The following DENND5B variants were observed in gnomAD, a reference collection of about 807,000 sequenced individuals.
DENND5B encodes DENN domain-containing protein 5B.
Under a neutral mutation model 140.6 loss-of-function variants are expected in DENND5B, and 34 were observed. That is an observed-to-expected ratio of 0.24 (90% CI 0.18 to 0.32). The LOEUF (loss-of-function observed/expected upper bound fraction) is 0.32, where lower values mean the gene tolerates loss of function less well. Among genes scored for constraint, DENND5B ranks in the 10% least tolerant of loss-of-function variants. The pLI is 1.00. For synonymous variants in DENND5B, 551 were observed against 562.1 expected, an observed-to-expected ratio of 0.98 and a Z score of 0.28; for missense variants, 1,142 against 1,560.2, an observed-to-expected ratio of 0.73 and a Z score of 4.52.
chr12:31,466,319 C>G (rs1244896497), intron 3 of DENND5B, among the ~76,000 whole-genome samples: 1 of 151,692 alleles, frequency 6.6e-6, no homozygotes, highest in Non-Finnish European at 1.5e-5. Context: ...CAACACTGCA[C>G]TCCAGCCTGG....
rs529459342 is a variant in DENND5B, at chr12:31,580,267, T to C, written c.127+10439A>G. ...CCTTGTTGGTACCTGCATGCTTGCT[T>C]GCATATACCTGGTAAAAATGGTTAA... On this transcript the variant is annotated intron_variant, in intron 1 of 20. Transcript: ENST00000389082. 1.2e-4 allele frequency among the ~76,000 whole-genome samples: 19 copies of C among 152,248 alleles called. No individual in the cohort carries two copies. The East Asian group carries it at 3.7e-3, about 29-fold the overall frequency.
chr12:31,467,881 T>C (rs1310421278), intron 3 of DENND5B, among the ~76,000 whole-genome samples: 1 of 151,760 alleles, frequency 6.6e-6, no homozygotes, highest in East Asian at 1.9e-4. Flanking sequence ...GAGAAAAAAA[T>C]TTAAATCAAT....
chr12:31,570,646 T>C (rs1030159610), intron 1 of DENND5B, among the ~76,000 whole-genome samples: 6 of 151,762 alleles, frequency 4.0e-5, no homozygotes, highest in African/African-American at 1.5e-4. Flanking sequence ...CTCAAAAAGA[T>C]TTTAGTAATT....
At chr12:31,571,701 T>G (rs1219295242) in intron 1 of DENND5B, among the ~76,000 whole-genome samples, 1 of 152,070 alleles carries the variant, frequency 6.6e-6, no homozygotes, top group East Asian at 1.9e-4. Context: ...CACTGCAACC[T>G]CCACCTCTCG....
Position 31,590,712 on chromosome 12 carries a change from G to T in DENND5B, c.121C>A (p.Leu41Met), listed in dbSNP as rs1210636984. The T allele has an allele frequency of 2.0e-6, 3 of 1,476,624 alleles. No homozygotes were observed. Among genetic ancestry groups the T allele is most frequent in the Non-Finnish European group, 1.8e-6 (2 of 1,119,936 alleles). 91.5% of individuals were successfully genotyped at this position (1,476,624 alleles called of 1,614,324 possible). Residue 41 changes from leucine to methionine, a missense_variant, in exon 1 of 21, where the codon CTG becomes ATG. Physicochemically the swap from Leu to Met is conservative, Grantham distance 15 (BLOSUM62 2). Coordinates refer to ENST00000389082, the MANE Select transcript of DENND5B (RefSeq NM_144973.4). ...DADSGLEPDE[L>M]AGENFDQSPL... ...GCCGCAGCCCTGGCCTTACCCGCCA[G>T]CTCGTCAGGCTCCAGCCCGCTGTCC... is the stretch of plus-strand genomic sequence containing the variant.
At chr12:31,569,132 T>C (rs1243488700) in intron 1 of DENND5B, among the ~76,000 whole-genome samples, 3 of 137,120 alleles carry the variant, frequency 2.2e-5, no homozygotes, top group African/African-American at 8.5e-5. Flanking sequence ...AGTGGTGAAA[T>C]CTAGGCTCAA....
chr12:31,495,448 G>A (rs1174680970), intron 2 of DENND5B, among the ~76,000 whole-genome samples: 4 of 149,998 alleles, frequency 2.7e-5, no homozygotes, highest in East Asian at 2.0e-4. Flanking sequence ...GCGTGATCAC[G>A]GCTCACCACA....
At position 31,385,642 on chromosome 12, in the gene DENND5B, G is replaced by C. The variant is rs1020267355; in HGVS notation, c.*1961C>G. ...TTTAGCTTCAGGCAAACAAATTTCTGGTGTACCCAGAACCATTTTCTTAAA... is the reference window on the plus strand; with the variant it reads ...TTTAGCTTCAGGCAAACAAATTTCTCGTGTACCCAGAACCATTTTCTTAAA... On this transcript the variant is annotated 3_prime_UTR_variant, in exon 21 of 21. Coordinates refer to ENST00000389082, the MANE Select transcript of DENND5B (RefSeq NM_144973.4). The C allele has an allele frequency of 1.3e-5, 2 of 152,174 alleles. No individual in the cohort carries two copies. Among genetic ancestry groups the C allele is most frequent in the Admixed American group, 1.3e-4 (2 of 15,264 alleles). The allele number at this position is 152,174 out of a possible 1,614,324, so 9.4% of individuals were successfully genotyped here.
At chr12:31,442,701 T>C in intron 7 of DENND5B, 74 bp downstream of exon 7, 2 of 1,488,818 alleles carry the variant, frequency 1.3e-6, no homozygotes, top group Non-Finnish European at 1.8e-6. Context: ...TTAAGCATTG[T>C]CCATTTGAGT....
At chr12:31,449,781 G>A (rs919618295) in intron 5 of DENND5B, among the ~76,000 whole-genome samples, 5 of 137,820 alleles carry the variant, frequency 3.6e-5, no homozygotes, top group East Asian at 2.1e-4. Flanking sequence ...CCAGGCTGGC[G>A]TCCAGTGGCG....
intron 6 of DENND5B, among the ~76,000 whole-genome samples, chr12:31,447,123 TAGTC>T (rs1360242531): frequency 6.6e-6 from 1 of 151,514 alleles, no homozygotes; most frequent in Non-Finnish European, 1.5e-5. Flanking sequence ...ATACAAAAAT[TAGTC>T]AGGCGTGATG....
chr12:31,436,334 CAAGTGATCTGCCCGCCTCGGCCTCCCA>C (rs2137888498), intron 7 of DENND5B, among the ~76,000 whole-genome samples: 1 of 151,920 alleles, frequency 6.6e-6, no homozygotes, highest in East Asian at 1.9e-4. Flanking sequence ...CTCCTGACCT[CAAGTGATCTGCCCGCCTCGGCCTCCCA>C]AAGTGCTGGG....
chr12:31,575,866 T>C (rs1949995373), intron 1 of DENND5B, among the ~76,000 whole-genome samples: 1 of 152,108 alleles, frequency 6.6e-6, no homozygotes, highest in Non-Finnish European at 1.5e-5. Flanking sequence ...CTTGGGAGGC[T>C]GAGGCATGAG....
At chr12:31,515,929 GAC>G (rs1272887295) in intron 1 of DENND5B, among the ~76,000 whole-genome samples, 1 of 152,118 alleles carries the variant, frequency 6.6e-6, no homozygotes, top group Non-Finnish European at 1.5e-5. Flanking sequence ...AACTGTTAGA[GAC>G]AATTATAGCA....
chr12:31,392,257 C>G lies in DENND5B; in HGVS notation c.3466+10G>C, dbSNP rs1389873949. ...GTGACCTTAATGTAATACACATCTACTTTATTTACCTATGAAGTCCCAGAT... is the reference window on the plus strand; with the variant it reads ...GTGACCTTAATGTAATACACATCTAGTTTATTTACCTATGAAGTCCCAGAT... On this transcript the variant is annotated intron_variant, in intron 19 of 20. Coordinates refer to ENST00000389082, the MANE Select transcript of DENND5B (RefSeq NM_144973.4). The G allele has an allele frequency of 1.2e-6, 2 of 1,613,340 alleles. No individual in the cohort carries two copies. Among genetic ancestry groups the G allele is most frequent in the East Asian group, 4.5e-5 (2 of 44,854 alleles).
At chr12:31,547,010 T>C in intron 1 of DENND5B, among the ~76,000 whole-genome samples, 1 of 152,230 alleles carries the variant, frequency 6.6e-6, no homozygotes, top group Non-Finnish European at 1.5e-5. Flanking sequence ...TTCTGAGTTT[T>C]TCTCTCTTTC....
intron 6 of DENND5B, 114 bp downstream of exon 6, chr12:31,447,424 A>G (rs1944321311): frequency 1.1e-6 from 1 of 913,642 alleles, no homozygotes; most frequent in South Asian, 1.8e-5. Flanking sequence ...TAGTACCAGG[A>G]TTAGCCATGA....
intron 1 of DENND5B, among the ~76,000 whole-genome samples, 178 bp from the exon 2 acceptor site, chr12:31,496,097 C>T (rs1012502093): frequency 6.6e-6 from 1 of 152,194 alleles, no homozygotes; most frequent in Non-Finnish European, 1.5e-5. Context: ...AACAACAGAG[C>T]AGCATTTAAA....
intron 14 of DENND5B, among the ~76,000 whole-genome samples, chr12:31,404,776 T>TTTTTTTA (rs1942025297): frequency 6.9e-6 from 1 of 145,886 alleles, no homozygotes; most frequent in African/African-American, 2.5e-5. Flanking sequence ...TTTTTTTTTT[T>TTTTTTTA]GAGACAGAGT....
Sources: gnomAD v4.1 joint callset for allele counts (sites outside exome capture counted in the v4.1 genomes callset) on GRCh38, gnomAD v4.1.1 for gene constraint, MANE v1.5 for transcripts, NCBI Gene and HGNC (gene_info 2026-07-23, HGNC 2026-07-21) for gene names.